SPTBN4: variants seen among roughly 807,000 people sequenced by gnomAD.
SPTBN4 encodes the protein spectrin beta, non-erythrocytic 4, also known as spectrin beta chain, non-erythrocytic 4.
SPTBN4 carries 96 observed loss-of-function variants against 277.8 expected under a neutral mutation model. That is an observed-to-expected ratio of 0.35 (90% CI 0.29 to 0.41). SPTBN4 has a LOEUF of 0.41. Among genes scored for constraint, SPTBN4 ranks in the 10% least tolerant of loss-of-function variants. The pLI, the probability that SPTBN4 is intolerant of heterozygous loss-of-function variation, is 1.00. For synonymous variants in SPTBN4, 1,481 were observed against 1,580.3 expected (o/e 0.94, Z 1.49); for missense variants, 3,006 against 3,595.7 (o/e 0.84, Z 4.19).
intron 20 of SPTBN4, 153 bp downstream of exon 20, chr19:40,534,496 C>A (rs1284634497): frequency 9.9e-7 from 1 of 1,014,568 alleles, no homozygotes; most frequent in Non-Finnish European, 1.4e-6. Context: ...TTGAAGCAAT[C>A]CAGCTAGTAA....
intron 27 of SPTBN4, 55 bp from the exon 28 acceptor site, chr19:40,565,368 G>C: frequency 6.4e-7 from 1 of 1,573,584 alleles, no homozygotes; most frequent in Admixed American, 1.8e-5. Flanking sequence ...CACATGTATG[G>C]GGCAGGCTGA....
At chr19:40,491,952 G>A (rs1432533544) in intron 4 of SPTBN4, among the ~76,000 whole-genome samples, 1 of 151,552 alleles carries the variant, frequency 6.6e-6, no homozygotes, top group Admixed American at 6.6e-5. Flanking sequence ...AACCTGGGAG[G>A]TGGAGGTTGC....
intron 20 of SPTBN4, among the ~76,000 whole-genome samples, chr19:40,548,863 T>C (rs2080885639): frequency 1.3e-5 from 2 of 152,200 alleles, no homozygotes; most frequent in South Asian, 4.1e-4. Context: ...TGAAGGTTGT[T>C]CTGGGAATTA....
rs778485733 is a variant in SPTBN4 at position 40,549,302 on chromosome 19, C to T, written c.4473C>T (p.Asn1491=). The T allele has an allele frequency of 3.0e-5, 47 of 1,541,490 alleles. No homozygotes were observed. Among genetic ancestry groups the T allele is most frequent in the Non-Finnish European group, 3.6e-5 (41 of 1,145,982 alleles). ...ASKELVGERQ[N]AVGERLVRLL... ...AGGAGCTGGTGGGTGAGCGGCAGAA[C>T]GCGGTGGGCGAGCGCCTGGTGCGCC... The change falls in exon 21 of 36, where the codon AAC becomes AAT. Residue 1491 remains asparagine (N), a synonymous_variant. Coordinates refer to ENST00000598249, the MANE Select transcript of SPTBN4 (RefSeq NM_020971.3).
chr19:40,575,324 C>G, intron 35 of SPTBN4, 87 bp from the exon 36 acceptor site: 5 of 1,436,686 alleles, frequency 3.5e-6, no homozygotes, highest in Non-Finnish European at 4.6e-6. Flanking sequence ...AACTGAATTT[C>G]AGAGAGGGTA....
In SPTBN4 at chr19:40,502,337, A is replaced by G; in HGVS notation, c.1085+22A>G. 1 of 850,412 alleles carries G rather than the reference A, an allele frequency of 1.2e-6. No homozygotes were observed. Among genetic ancestry groups the G allele is most frequent in the Non-Finnish European group, 1.8e-6 (1 of 542,156 alleles). 52.7% of individuals were successfully genotyped at this position (850,412 alleles called of 1,614,324 possible). A position where few individuals can be genotyped will look rare whatever the true frequency, so the allele number is the denominator to read the frequency against. On this transcript the variant is annotated intron_variant, in intron 9 of 35. Coordinates refer to ENST00000598249, the MANE Select transcript of SPTBN4 (RefSeq NM_020971.3). The surrounding 1 kb of genome is among the most constrained non-coding windows in gnomAD (Gnocchi z 4.9). ...TCAAGTGAGGCCCAGCTCTGGAGGGAGGGTGGGCAGGGGTGGCATGACGGC... is the reference window on the plus strand; with the variant it reads ...TCAAGTGAGGCCCAGCTCTGGAGGGGGGGTGGGCAGGGGTGGCATGACGGC...
chr19:40,505,078 A>G (rs538776479), intron 12 of SPTBN4, among the ~76,000 whole-genome samples: 1 of 151,682 alleles, frequency 6.6e-6, no homozygotes, highest in Admixed American at 6.6e-5. Flanking sequence ...ATCTAGAGAG[A>G]GATGAGACAA....
At chr19:40,555,489 C>CAAAAAAAA (rs56045928) in intron 24 of SPTBN4, among the ~76,000 whole-genome samples, 8 of 74,902 alleles carry the variant, frequency 1.1e-4, no homozygotes, top group African/African-American at 3.8e-4. Context: ...GACTCCGTCT[C>CAAAAAAAA]AAAAAAAAAA....
intron 20 of SPTBN4, among the ~76,000 whole-genome samples, chr19:40,543,884 A>G (rs2080827017): frequency 6.6e-6 from 1 of 152,098 alleles, no homozygotes; most frequent in Admixed American, 6.6e-5. Flanking sequence ...TTTGCTTTTC[A>G]TGTTTAATTT....
chr19:40,512,852 C>G lies in SPTBN4; in HGVS notation c.2063C>G (p.Ala688Gly). 1 of 1,459,322 alleles carries G rather than the reference C, an allele frequency of 6.9e-7. No individual in the cohort carries two copies. Among genetic ancestry groups the G allele is most frequent in the Non-Finnish European group, 8.9e-7 (1 of 1,118,506 alleles). 90.4% of individuals were successfully genotyped at this position (1,459,322 alleles called of 1,614,324 possible). ...AAGAAGTAGG[A>G]HDLSSTARLL... The stretch of plus-strand genomic sequence containing the variant: ...GGCGCAGCGGGAACAGCGGGCGGCG[C>G]GCATGACCTGTCCAGCACAGCGCGC... The change falls in exon 14 of 36, where the codon GCG becomes GGG. Residue 688 changes from alanine to glycine, a missense_variant. Ala to Gly is a moderately conservative substitution (Grantham distance 60). Coordinates refer to ENST00000598249, the MANE Select transcript of SPTBN4 (RefSeq NM_020971.3).
chr19:40,475,820 C>T (rs1010370021), intron 2 of SPTBN4, among the ~76,000 whole-genome samples: 5 of 149,096 alleles, frequency 3.4e-5, no homozygotes, highest in Non-Finnish European at 5.9e-5. Context: ...CCGAGGCGGG[C>T]GGATCGCTTG....
chr19:40,512,232 A>G (rs1207389731), intron 13 of SPTBN4, among the ~76,000 whole-genome samples: 2 of 152,252 alleles, frequency 1.3e-5, no homozygotes, highest in Non-Finnish European at 2.9e-5. Flanking sequence ...TCCATCCATC[A>G]TTCAGTCAAC....
At position 40,523,356 on chromosome 19, in the gene SPTBN4, G is replaced by A. The variant is rs138816625; in HGVS notation, c.3655-81G>A. The stretch of plus-strand genomic sequence containing the variant: ...TATGCTTGCAAGGTTGCGGGGAGTG[G>A]TGGCAAGCCAGGCTGGCAGCCTCTC... On this transcript the variant is annotated intron_variant, in intron 16 of 35. Coordinates refer to ENST00000598249, the MANE Select transcript of SPTBN4 (RefSeq NM_020971.3). The A allele has an allele frequency of 2.3e-4, 325 of 1,400,894 alleles. 1 individual carries two copies. In the African/African-American group the frequency reaches 4.2e-3, roughly 18 times the overall value. The allele number at this position is 1,400,894 out of a possible 1,614,324, so 86.8% of individuals were successfully genotyped here.
intron 2 of SPTBN4, among the ~76,000 whole-genome samples, chr19:40,486,352 C>T (rs2080072136): frequency 6.6e-6 from 1 of 151,762 alleles, no homozygotes; most frequent in African/African-American, 2.4e-5. Flanking sequence ...GGAGTCCTCA[C>T]ACATTGCTGG....
rs1357752432 is a variant in SPTBN4, at chr19:40,519,559, A to G, written c.3062A>G (p.Gln1021Arg). Residue 1021 changes from glutamine to arginine, a missense_variant, in exon 16 of 36, where the codon CAG becomes CGG. Gln to Arg is a conservative substitution (Grantham distance 43). Transcript: ENST00000598249. This position sits in a 1 kb window ranked among gnomAD's most constrained non-coding sequence, Gnocchi z 5.7. ...GCGCCCCGGGCCGGCGGCGCCCTGCAGTGGCGTCTTAGCGGCCTAGAGGCC... is the reference window on the plus strand; with the variant it reads ...GCGCCCCGGGCCGGCGGCGCCCTGCGGTGGCGTCTTAGCGGCCTAGAGGCC... ...ESAPRAGGAL[Q>R]WRLSGLEAAL... is the part of the protein sequence containing the mutation. 2 of 1,560,056 alleles carry G rather than the reference A, an allele frequency of 1.3e-6. No individual in the cohort carries two copies. The highest frequency in any genetic ancestry group is 1.7e-6 in the Non-Finnish European group (2 of 1,158,028).
At chr19:40,555,962 C>T (rs1599803798) in intron 24 of SPTBN4, 122 bp from the exon 25 acceptor site, 1 of 814,438 alleles carries the variant, frequency 1.2e-6, no homozygotes. Context: ...TACCTGGGGA[C>T]ACAGCCGTGT....
At chr19:40,482,434 C>T (rs1425660843) in intron 2 of SPTBN4, among the ~76,000 whole-genome samples, 2 of 152,036 alleles carry the variant, frequency 1.3e-5, no homozygotes, top group South Asian at 4.2e-4. Flanking sequence ...CTGAAATGCC[C>T]ACCAAGACCA....
chr19:40,553,713 G>GT (rs2080943879), intron 22 of SPTBN4, among the ~76,000 whole-genome samples: 1 of 152,192 alleles, frequency 6.6e-6, no homozygotes, highest in Non-Finnish European at 1.5e-5. Context: ...GCACACCGGT[G>GT]TATGTGTCTG....
chr19:40,492,178 TC>T (rs2080146074), intron 4 of SPTBN4, among the ~76,000 whole-genome samples: 1 of 151,818 alleles, frequency 6.6e-6, no homozygotes, highest in African/African-American at 2.4e-5. Context: ...GGGAAGACAC[TC>T]AGGGAGTGGA....
Sources: allele counts gnomAD v4.1 joint callset (sites outside exome capture counted in the v4.1 genomes callset), GRCh38; gene constraint gnomAD v4.1.1; non-coding constraint Gnocchi (gnomAD v3.1); transcripts MANE v1.5; gene names NCBI Gene and HGNC (gene_info 2026-07-23, HGNC 2026-07-21).